Variants in LIMCH1 observed in about 807,000 individuals in gnomAD.
LIMCH1 encodes the protein LIM and calponin homology domains 1, also known as LIM and calponin homology domains-containing protein 1.
Under a neutral mutation model 176.5 loss-of-function variants are expected in LIMCH1, and 113 were observed. The ratio of observed to expected loss-of-function variants is 0.64; its 90% confidence interval spans 0.55 to 0.75. LIMCH1 has a LOEUF of 0.75. LIMCH1 is among the 30% of genes least tolerant of loss of function. The pLI, the probability that LIMCH1 is intolerant of heterozygous loss-of-function variation, is 0.00. For synonymous variants in LIMCH1, 619 were observed against 645.9 expected (o/e 0.96, Z 0.63); for missense variants, 1,674 against 1,814.9 (o/e 0.92, Z 1.41).
intron 1 of LIMCH1, among the ~76,000 whole-genome samples, chr4:41,429,071 G>A (rs1192499055): frequency 2.0e-5 from 3 of 152,222 alleles, no homozygotes; most frequent in Admixed American, 6.5e-5. Context: ...AATAGCAGGT[G>A]CAAATCCTCC....
chr4:41,643,222 C>T (rs1159749325), intron 14 of LIMCH1, among the ~76,000 whole-genome samples: 5 of 152,138 alleles, frequency 3.3e-5, no homozygotes, highest in Admixed American at 2.0e-4. Context: ...CCTTTGCATT[C>T]GGCGATGCTG....
intron 1 of LIMCH1, among the ~76,000 whole-genome samples, chr4:41,369,692 T>G (rs910659830): frequency 1.3e-5 from 2 of 152,140 alleles, no homozygotes; most frequent in African/African-American, 4.8e-5. Context: ...TGTGTGTGTG[T>G]GTGGTGGGGG....
At chr4:41,469,943 G>T (rs925912998) in intron 1 of LIMCH1, among the ~76,000 whole-genome samples, 11 of 152,064 alleles carry the variant, frequency 7.2e-5, no homozygotes, top group African/African-American at 2.7e-4. Context: ...GCCTCCCAAG[G>T]TGCTGGGATT....
At chr4:41,564,660 C>T (rs1297278501) in intron 1 of LIMCH1, among the ~76,000 whole-genome samples, 2 of 152,126 alleles carry the variant, frequency 1.3e-5, no homozygotes, top group African/African-American at 4.8e-5. Context: ...CACTATAAGC[C>T]GTTGAGTCTA....
intron 1 of LIMCH1, among the ~76,000 whole-genome samples, chr4:41,379,400 A>C (rs995804966): frequency 2.0e-5 from 3 of 152,202 alleles, no homozygotes; most frequent in Non-Finnish European, 4.4e-5. Context: ...TCAGGAGAGC[A>C]AAAAGGAAGG....
intron 31 of LIMCH1, among the ~76,000 whole-genome samples, chr4:41,695,517 A>G (rs1480929585): frequency 1.3e-5 from 2 of 151,968 alleles, no homozygotes; most frequent in Non-Finnish European, 2.9e-5. Context: ...TCCCATATAT[A>G]TTTAGGTCTA....
intron 1 of LIMCH1, among the ~76,000 whole-genome samples, chr4:41,452,101 TG>T (rs2063958918): frequency 1.3e-5 from 2 of 152,188 alleles, no homozygotes; most frequent in South Asian, 4.1e-4. Flanking sequence ...CTCTCCCCAC[TG>T]CCCTCCAGTA....
chr4:41,481,853 T>G (rs1366625669), intron 1 of LIMCH1, among the ~76,000 whole-genome samples: 3 of 151,854 alleles, frequency 2.0e-5, no homozygotes, highest in Non-Finnish European at 4.4e-5. Flanking sequence ...ATAGTTGTTT[T>G]TTTTTTTTTT....
In LIMCH1 at chr4:41,698,380, G is replaced by C. The variant is rs1304931449; in HGVS notation, c.*1195G>C. On this transcript the variant is annotated 3_prime_UTR_variant, in exon 32 of 32. Coordinates refer to ENST00000503057, the MANE Select transcript of LIMCH1 (RefSeq NM_001330672.2). ...CGGACCTTGCCCATGGAGAAGTTTA[G>C]AGAGGAACTCTTGTGGAGAGCTGGT... is the stretch of plus-strand genomic sequence containing the variant. 4 of 152,214 alleles carry C rather than the reference G, an allele frequency of 2.6e-5. No homozygotes were observed. Among genetic ancestry groups the C allele is most frequent in the Non-Finnish European group, 4.4e-5 (3 of 68,070 alleles). The allele number at this position is 152,214 out of a possible 1,614,324, so 9.4% of individuals were successfully genotyped here.
At chr4:41,530,690 C>G (rs1387836431) in intron 3 of LIMCH1, among the ~76,000 whole-genome samples, 1 of 148,066 alleles carries the variant, frequency 6.8e-6, no homozygotes, top group Non-Finnish European at 1.5e-5. Flanking sequence ...GCCCGTAATC[C>G]CAGCTACTTG....
intron 1 of LIMCH1, among the ~76,000 whole-genome samples, chr4:41,578,303 A>T (rs1161107464): frequency 6.6e-6 from 1 of 152,050 alleles, no homozygotes; most frequent in African/African-American, 2.4e-5. Context: ...TCTCGTGAGA[A>T]CTCTCTCATT....
At chr4:41,444,311 TATACACACACACACACAC>T (rs2063037976) in intron 1 of LIMCH1, among the ~76,000 whole-genome samples, 10 of 71,206 alleles carry the variant, frequency 1.4e-4, no homozygotes, top group African/African-American at 1.0e-3. Flanking sequence ...TGTGTATATA[TATACACACACACACACAC>T]ACACACACAC....
At chr4:41,597,631 A>G (rs1460651226) in intron 1 of LIMCH1, among the ~76,000 whole-genome samples, 1 of 152,180 alleles carries the variant, frequency 6.6e-6, no homozygotes, top group South Asian at 2.1e-4. Context: ...TTCCAAGCTC[A>G]TGTGGTTGTT....
intron 1 of LIMCH1, among the ~76,000 whole-genome samples, chr4:41,403,407 C>T (rs140791719): frequency 6.6e-6 from 1 of 152,050 alleles, no homozygotes; most frequent in Non-Finnish European, 1.5e-5. Flanking sequence ...ATGATGAAAC[C>T]CTGTCTCTAC....
intron 1 of LIMCH1, among the ~76,000 whole-genome samples, chr4:41,581,251 C>T (rs913278553): frequency 1.7e-4 from 26 of 151,902 alleles, no homozygotes; most frequent in African/African-American, 5.3e-4. Flanking sequence ...ATGTATACAC[C>T]GTGAAATGAC....
At chr4:41,553,528 G>C (rs888128638) in intron 1 of LIMCH1, among the ~76,000 whole-genome samples, 1 of 152,150 alleles carries the variant, frequency 6.6e-6, no homozygotes, top group African/African-American at 2.4e-5. Context: ...ATGAGGTAGG[G>C]TGTGGTGGGG....
At chr4:41,475,861 C>G (rs1467008503) in intron 1 of LIMCH1, among the ~76,000 whole-genome samples, 1 of 152,106 alleles carries the variant, frequency 6.6e-6, no homozygotes, top group African/African-American at 2.4e-5. Context: ...GCACATGTAT[C>G]CCAGAACTTA....
intron 1 of LIMCH1, among the ~76,000 whole-genome samples, chr4:41,372,757 T>C (rs552883601): frequency 6.6e-6 from 1 of 152,304 alleles, no homozygotes; most frequent in South Asian, 2.1e-4. Flanking sequence ...TGTGCCTGGG[T>C]ACTACATAAA....
intron 1 of LIMCH1, among the ~76,000 whole-genome samples, chr4:41,363,281 G>T (rs955816142): frequency 6.6e-6 from 1 of 152,178 alleles, no homozygotes; most frequent in Non-Finnish European, 1.5e-5. Context: ...GAATCCCCGG[G>T]TGGGGGGGCG....
Sources: allele counts gnomAD v4.1 joint callset (sites outside exome capture counted in the v4.1 genomes callset), GRCh38; gene constraint gnomAD v4.1.1; transcripts MANE v1.5; gene names NCBI Gene and HGNC (gene_info 2026-07-23, HGNC 2026-07-21).